KLHL7: variants seen among roughly 807,000 people sequenced by gnomAD.
KLHL7 encodes the protein kelch-like protein 7.
KLHL7 carries 44 observed loss-of-function variants against 67.4 expected under a neutral mutation model. The observed-to-expected ratio is 0.65, with a 90% CI of 0.51 to 0.84. KLHL7 has a LOEUF of 0.84. Among genes scored for constraint, KLHL7 ranks in the 40% least tolerant of loss-of-function variants. KLHL7 has a pLI of 0.00. For synonymous variants in KLHL7, 252 were observed against 243.3 expected, an observed-to-expected ratio of 1.04 and a Z score of -0.33; for missense variants, 362 against 718.1, an observed-to-expected ratio of 0.50 and a Z score of 5.67.
At chr7:23,131,704 G>A (rs1254423878) in intron 4 of KLHL7, among the ~76,000 whole-genome samples, 2 of 145,548 alleles carry the variant, frequency 1.4e-5, no homozygotes, top group Admixed American at 1.4e-4. Context: ...TCACCCTGTT[G>A]TGTTATCAAA....
chr7:23,111,071 A>G (rs556769099), intron 1 of KLHL7, among the ~76,000 whole-genome samples: 1 of 152,280 alleles, frequency 6.6e-6, no homozygotes, highest in South Asian at 2.1e-4. Context: ...TAGTCAAGTA[A>G]TCACACAAAT....
rs1340697932 is a variant in KLHL7 at position 23,150,598 on chromosome 7, C to G, written c.794-1469C>G. Among the ~76,000 whole-genome samples, 5 of 152,004 alleles carry G rather than the reference C, an allele frequency of 3.3e-5. No homozygotes were observed. In the East Asian group the frequency reaches 5.8e-4, roughly 18 times the overall value. On this transcript the variant is annotated intron_variant, in intron 6 of 10. Transcript: ENST00000339077. ...ATAGCATAATTTTTTAACCACTTCC[C>G]TAACAGTGAACTTTAGATTGATAAA...
At chr7:23,158,433 C>A (rs1784768779) in intron 7 of KLHL7, among the ~76,000 whole-genome samples, 2 of 152,098 alleles carry the variant, frequency 1.3e-5, no homozygotes, top group African/African-American at 4.8e-5. Flanking sequence ...GGTAATTGTT[C>A]ATATGTTGAC....
chr7:23,140,658 G>C (rs752440838), intron 4 of KLHL7, 111 bp from the exon 5 acceptor site: 2 of 858,534 alleles, frequency 2.3e-6, no homozygotes, highest in African/African-American at 1.7e-5. Context: ...AACGGATCCA[G>C]ATTTATGAAA....
At chr7:23,113,467 C>T (rs922343977) in intron 1 of KLHL7, among the ~76,000 whole-genome samples, 1 of 152,112 alleles carries the variant, frequency 6.6e-6, no homozygotes, top group African/African-American at 2.4e-5. Flanking sequence ...CTAACAGAAC[C>T]CACTAGCAGA....
chr7:23,106,323 A>G, intron 1 of KLHL7, 177 bp downstream of exon 1: 3 of 1,462,312 alleles, frequency 2.1e-6, no homozygotes, highest in Non-Finnish European at 2.7e-6. Flanking sequence ...GCGTAAAACA[A>G]TTCTCGAGCA....
At chr7:23,125,740 G>C in intron 4 of KLHL7, 3 of 1,473,758 alleles carry the variant, frequency 2.0e-6, no homozygotes, top group Non-Finnish European at 2.7e-6. Context: ...TATTAATAAA[G>C]TATTTTCTAT....
chr7:23,125,970 G>T (rs1021850529), intron 4 of KLHL7: 14 of 854,904 alleles, frequency 1.6e-5, no homozygotes, highest in African/African-American at 6.7e-5. Flanking sequence ...ATACATACAT[G>T]CCTATGATGA....
At chr7:23,119,911 T>C (rs949883852) in intron 1 of KLHL7, among the ~76,000 whole-genome samples, 1 of 152,224 alleles carries the variant, frequency 6.6e-6, no homozygotes, top group African/African-American at 2.4e-5. Context: ...TAACTTGATT[T>C]ATCTTTATCG....
chr7:23,107,065 A>G (rs1397359741), intron 1 of KLHL7, among the ~76,000 whole-genome samples: 1 of 152,180 alleles, frequency 6.6e-6, no homozygotes, highest in Non-Finnish European at 1.5e-5. Context: ...TCTGCTGGGA[A>G]TATGGGCAAC....
chr7:23,160,953 A>C (rs1452498597), intron 7 of KLHL7, among the ~76,000 whole-genome samples: 2 of 152,200 alleles, frequency 1.3e-5, no homozygotes, highest in African/African-American at 4.8e-5. Context: ...TAGTCTCATA[A>C]TATAATAGCT....
At chr7:23,112,975 C>G (rs1782934019) in intron 1 of KLHL7, among the ~76,000 whole-genome samples, 1 of 151,986 alleles carries the variant, frequency 6.6e-6, no homozygotes, top group African/African-American at 2.4e-5. Flanking sequence ...ATAGATAATT[C>G]CTGATATGAG....
intron 4 of KLHL7, among the ~76,000 whole-genome samples, chr7:23,131,598 G>C (rs1171452789): frequency 2.0e-5 from 3 of 152,024 alleles, no homozygotes; most frequent in Non-Finnish European, 4.4e-5. Context: ...ATGGAGAATG[G>C]GGTATCCATC....
Position 23,165,821 on chromosome 7 carries a change from T to C in KLHL7, c.1060T>C (p.Cys354Arg), listed in dbSNP as rs1459773598. The C allele has an allele frequency of 6.2e-7, 1 of 1,614,198 alleles. No homozygotes were observed. The highest frequency in any genetic ancestry group is 1.7e-5 in the Admixed American group (1 of 60,022). The change falls in exon 8 of 11, where the codon TGC (cysteine) becomes CGC (arginine). Residue 354 changes from cysteine (C) to arginine (R), a missense_variant. Transcript: ENST00000339077. ...SQLFPIKRMD[C>R]YNVVKDSWYS... ...GCTTTTCCCAATAAAGCGAATGGAC[T>C]GCTATAATGTAGTGAAGGATAGCTG...
intron 7 of KLHL7, among the ~76,000 whole-genome samples, chr7:23,159,811 T>C (rs952782588): frequency 3.3e-5 from 5 of 152,254 alleles, no homozygotes; most frequent in African/African-American, 1.2e-4. Context: ...ATTACAGCCT[T>C]GCCCCACCAT....
intron 1 of KLHL7, 48 bp from the exon 2 acceptor site, chr7:23,123,729 C>G: frequency 7.7e-7 from 1 of 1,291,548 alleles, no homozygotes; most frequent in Non-Finnish European, 1.1e-6. Context: ...TATTGCCAAG[C>G]TAGGCTAGTG....
chr7:23,125,832 G>A, intron 4 of KLHL7: 2 of 1,550,442 alleles, frequency 1.3e-6, no homozygotes, highest in South Asian at 1.2e-5. Context: ...ATCCTTAGTG[G>A]CACATGAATG....
intron 1 of KLHL7, among the ~76,000 whole-genome samples, chr7:23,122,848 A>AT (rs1012874083): frequency 2.0e-5 from 3 of 151,956 alleles, no homozygotes; most frequent in African/African-American, 2.4e-5. Context: ...TGTAAGCGAT[A>AT]TTTTTTTTAC....
intron 5 of KLHL7, among the ~76,000 whole-genome samples, chr7:23,143,403 C>T (rs2045937057): frequency 6.6e-6 from 1 of 152,084 alleles, no homozygotes; most frequent in South Asian, 2.1e-4. Context: ...ATTCATAATG[C>T]AGGAATATAA....
Sources: allele counts gnomAD v4.1 joint callset (sites outside exome capture counted in the v4.1 genomes callset), GRCh38; gene constraint gnomAD v4.1.1; transcripts MANE v1.5; gene names NCBI Gene and HGNC (gene_info 2026-07-23, HGNC 2026-07-21).